Variants in OTOA observed in about 807,000 individuals in gnomAD.
The protein encoded by OTOA is cancer/testis antigen 108.
In OTOA, 70 loss-of-function variants were observed where a neutral mutation model predicts 110.8. That is an observed-to-expected ratio of 0.63 (90% CI 0.52 to 0.77). The LOEUF is 0.77. Among genes scored for constraint, OTOA ranks in the 30% least tolerant of loss-of-function variants. OTOA has a pLI of 0.00. For synonymous variants in OTOA, 373 were observed against 431.5 expected (o/e 0.86, Z 1.68); for missense variants, 917 against 1,075.8 (o/e 0.85, Z 2.06).
In OTOA at chr16:21,687,434, G is replaced by T; in HGVS notation, c.421G>T (p.Asp141Tyr). The T allele has an allele frequency of 6.2e-7, 1 of 1,613,976 alleles. No individual in the cohort carries two copies. Among genetic ancestry groups the T allele is most frequent in the Non-Finnish European group, 8.5e-7 (1 of 1,179,994 alleles). ...TTAGGACCTGAAAGACATCATCATC[G>T]ACTTAGGAGAGATTCGAGAACGAGC... Reference protein sequence around the residue: ...DGLDLKDIIIDLGEIRERALQ... With the variant: ...DGLDLKDIIIYLGEIRERALQ... Residue 141 changes from aspartate to tyrosine, a missense_variant, in exon 8 of 29, where the codon GAC becomes TAC. By Grantham distance (160) the Asp-to-Tyr change is radical. Transcript: ENST00000646100.
intron 6 of OTOA, chr16:21,684,570 G>A: frequency 6.5e-7 from 1 of 1,539,066 alleles, no homozygotes; most frequent in Non-Finnish European, 8.8e-7. Context: ...ATGGAATGGG[G>A]GAATCGGGCT....
intron 9 of OTOA, among the ~76,000 whole-genome samples, chr16:21,695,893 T>TATA (rs1567372708): frequency 2.1e-4 from 13 of 62,916 alleles, no homozygotes; most frequent in East Asian, 8.0e-4. Context: ...ATATATATAT[T>TATA]TTTTTTTTTT....
At position 21,712,690 on chromosome 16, in the gene OTOA, A is replaced by T. The variant is rs1016033918; in HGVS notation, c.1321-2295A>T. 1.1e-4 allele frequency among the ~76,000 whole-genome samples: 16 copies of T among 151,222 alleles called. 1 individual carries two copies. The highest frequency in any genetic ancestry group is 4.6e-4 in the Admixed American group (7 of 15,192). On this transcript the variant is annotated intron_variant, in intron 13 of 28. Transcript: ENST00000646100. ...CATGTCTCTACTAAAAATAAAAAAA[A>T]AAAAATTAGCTGGGCATGGTGGCGG...
At chr16:21,706,087 T>TA (rs999525210) in intron 12 of OTOA, among the ~76,000 whole-genome samples, 21 of 143,312 alleles carry the variant, frequency 1.5e-4, no homozygotes, top group African/African-American at 5.2e-4. Flanking sequence ...AGACCCTATC[T>TA]AAAAAAAAGA....
At position 21,711,536 on chromosome 16, in the gene OTOA, C is replaced by T. The variant is rs552666439; in HGVS notation, c.1320+1433C>T. On this transcript the variant is annotated intron_variant, in intron 13 of 28. Coordinates refer to ENST00000646100, the MANE Select transcript of OTOA (RefSeq NM_144672.4). ...CCATGCTGGAATGCAATGGCACAAC[C>T]TCAGCTCATTGCAACCTCCGCCTCC... Among the ~76,000 whole-genome samples, 169 of 152,286 alleles carry T rather than the reference C, an allele frequency of 1.1e-3. 1 individual carries two copies. Among genetic ancestry groups the T allele is most frequent in the African/African-American group, 3.6e-3 (149 of 41,562 alleles).
chr16:21,681,745 G>A lies in OTOA; in HGVS notation c.187G>A (p.Val63Met), dbSNP rs755864812. Residue 63 changes from valine (V) to methionine (M), a missense_variant, in exon 6 of 29, where the codon GTG becomes ATG. This residue lies in a region of OTOA where 840 missense variants were observed against 910.2 expected (regional missense o/e 0.92). Coordinates refer to ENST00000646100, the MANE Select transcript of OTOA (RefSeq NM_144672.4). ...GTCTGTCTTCAACTGAAGCTCCCAC[G>A]TGTGGACGGATGACCTGTCCCACAG... Reference protein sequence around the residue: ...LDLIQFQSSHVWTDDLSHRVL... With the variant: ...LDLIQFQSSHMWTDDLSHRVL... 1.2e-5 allele frequency: 20 copies of A among 1,613,532 alleles called. No homozygotes were observed. The highest frequency in any genetic ancestry group is 7.7e-5 in the South Asian group (7 of 91,076).
rs201978628 is a variant in OTOA at position 21,711,710 on chromosome 16, G to A, written c.1320+1607G>A. ...TCTCGAACTCCAGACCTTGTAATCCGCCTGCCTCAGCCTCCCAAAGTGCTG... is the reference window on the plus strand; with the variant it reads ...TCTCGAACTCCAGACCTTGTAATCCACCTGCCTCAGCCTCCCAAAGTGCTG... On this transcript the variant is annotated intron_variant, in intron 13 of 28. Coordinates refer to ENST00000646100, the MANE Select transcript of OTOA (RefSeq NM_144672.4). Among the ~76,000 whole-genome samples, 30 of 152,014 alleles carry A rather than the reference G, an allele frequency of 2.0e-4. No homozygotes were observed. The East Asian group carries it at 5.2e-3, about 27-fold the overall frequency.
In OTOA at chr16:21,726,649, G is replaced by C; in HGVS notation, c.2007G>C (p.Gln669His). Residue 669 changes from glutamine to histidine, a missense_variant, in exon 19 of 29, where the codon CAG becomes CAC. This residue lies in a region of OTOA where 840 missense variants were observed against 910.2 expected (regional missense o/e 0.92). Coordinates refer to ENST00000646100, the MANE Select transcript of OTOA (RefSeq NM_144672.4). The stretch of plus-strand genomic sequence containing the variant: ...AGACTTCAGTCCTCAGGAAAGTGCA[G>C]CAGTGCCTGGTAAGAAAACTCTTCC... The part of the protein sequence containing the change: ...HKKTSVLRKV[Q>H]QCLDDSIADE... The C allele has an allele frequency of 6.2e-7, 1 of 1,614,090 alleles. No individual in the cohort carries two copies. Among genetic ancestry groups the C allele is most frequent in the South Asian group, 1.1e-5 (1 of 91,074 alleles).
chr16:21,732,633 G>T (rs1899153106), intron 21 of OTOA, among the ~76,000 whole-genome samples: 4 of 151,948 alleles, frequency 2.6e-5, no homozygotes, highest in African/African-American at 9.7e-5. Flanking sequence ...AAAAAGTCTT[G>T]CATCAACACT....
chr16:21,671,908 G>T (rs1272864516), intron 1 of OTOA, among the ~76,000 whole-genome samples: 1 of 152,136 alleles, frequency 6.6e-6, no homozygotes, highest in African/African-American at 2.4e-5. Flanking sequence ...TCGAAGGGAG[G>T]ATTGCTTGAA....
chr16:21,680,436 C>T (rs566114666), intron 5 of OTOA, among the ~76,000 whole-genome samples: 8 of 152,184 alleles, frequency 5.3e-5, no homozygotes, highest in South Asian at 2.1e-4. Flanking sequence ...ATCACTTGAA[C>T]GCGGGAGGCT....
intron 13 of OTOA, among the ~76,000 whole-genome samples, chr16:21,714,500 CTT>C (rs564782183): frequency 2.6e-4 from 19 of 74,504 alleles, no homozygotes; most frequent in African/African-American, 3.9e-4. Flanking sequence ...CTCTCTCTCT[CTT>C]TCTTTCTTTC....
At chr16:21,721,103 C>T (rs540032307) in intron 17 of OTOA, among the ~76,000 whole-genome samples, 5 of 151,164 alleles carry the variant, frequency 3.3e-5, no homozygotes, top group East Asian at 3.9e-4. Flanking sequence ...TTAGTAGGGA[C>T]GGGGTTTCAT....
chr16:21,699,423 C>A (rs1011128326), intron 10 of OTOA, among the ~76,000 whole-genome samples: 13 of 151,036 alleles, frequency 8.6e-5, no homozygotes, highest in African/African-American at 3.2e-4. Context: ...ATCACTTGAG[C>A]CCAGAAGTGC....
Position 21,697,774 on chromosome 16 carries a change from G to T in OTOA, c.740-1G>T. 6.2e-7 allele frequency: 1 copy of T among 1,613,726 alleles called. No homozygotes were observed. Among genetic ancestry groups the T allele is most frequent in the Non-Finnish European group, 8.5e-7 (1 of 1,179,742 alleles). ...TTTATTCATTTCTTTATTTTTTGTA[G>T]ATGACTCTGCTTCATGGGTCAGTGC... On this transcript the variant is annotated splice_acceptor_variant, in intron 9 of 28. Coordinates refer to ENST00000646100, the MANE Select transcript of OTOA (RefSeq NM_144672.4). LOFTEE classifies it high-confidence loss of function.
chr16:21,677,307 C>T (rs1010942974), intron 1 of OTOA, among the ~76,000 whole-genome samples: 2 of 152,066 alleles, frequency 1.3e-5, no homozygotes, highest in Admixed American at 6.6e-5. Context: ...CCTGTTGTTC[C>T]ATATCATCAC....
intron 12 of OTOA, among the ~76,000 whole-genome samples, chr16:21,709,570 A>G (rs1030950250): frequency 3.3e-5 from 5 of 152,232 alleles, no homozygotes; most frequent in African/African-American, 1.2e-4. Context: ...AGATGCTATA[A>G]GAGTGTGGTG....
At chr16:21,719,625 AG>A in intron 17 of OTOA, 121 bp downstream of exon 17, 3 of 985,442 alleles carry the variant, frequency 3.0e-6, no homozygotes, top group Non-Finnish European at 4.9e-6. Flanking sequence ...GTGATGACTT[AG>A]GGCCAAAGAT....
chr16:21,722,235 C>T (rs954553379), intron 17 of OTOA, among the ~76,000 whole-genome samples: 5 of 145,388 alleles, frequency 3.4e-5, no homozygotes, highest in Admixed American at 7.0e-5. Flanking sequence ...GTACTACAGC[C>T]TAGGTGACAG....
Sources: gnomAD v4.1 joint callset for allele counts (sites outside exome capture counted in the v4.1 genomes callset) on GRCh38, gnomAD v4.1.1 for gene constraint, gnomAD v4.1.1 regional missense constraint, MANE v1.5 for transcripts, NCBI Gene and HGNC (gene_info 2026-07-23, HGNC 2026-07-21) for gene names.